Variants in SULT1C3 observed in about 807,000 individuals in gnomAD.
SULT1C3 encodes sulfotransferase 1C3.
SULT1C3 carries 31 observed loss-of-function variants against 28.4 expected under a neutral mutation model. The ratio of observed to expected loss-of-function variants is 1.09; its 90% CI spans 0.82 to 1.47. The LOEUF (loss-of-function observed/expected upper bound fraction) is 1.47, where lower values mean the gene tolerates loss of function less well. SULT1C3 is among the 40% of genes most tolerant of loss of function. SULT1C3 has a pLI of 0.00. For synonymous variants in SULT1C3, 106 were observed against 92.2 expected, an observed-to-expected ratio of 1.15 and a Z score of -0.86; for missense variants, 307 against 272.5, an observed-to-expected ratio of 1.13 and a Z score of -0.89.
At chr2:108,252,522 A>T (rs533231765) in intron 3 of SULT1C3, 29 bp downstream of exon 3, 1 of 1,609,372 alleles carries the variant, frequency 6.2e-7, no homozygotes, top group Non-Finnish European at 8.5e-7. Flanking sequence ...GATAGAAAGG[A>T]CTTTCACTTC....
chr2:108,244,229 A>C (rs1675530289), intron 1 of SULT1C3, among the ~76,000 whole-genome samples: 1 of 152,220 alleles, frequency 6.6e-6, no homozygotes, highest in Non-Finnish European at 1.5e-5. Context: ...AGAAGCCAAA[A>C]GCCCAACTGG....
At chr2:108,263,430 T>A (rs1221989325), downstream of SULT1C3, among the ~76,000 whole-genome samples, 2 of 152,156 alleles carry the variant, frequency 1.3e-5, no homozygotes, top group Non-Finnish European at 2.9e-5. Flanking sequence ...CCTGCCACAA[T>A]CCCCACTGTC....
At chr2:108,247,596 C>A (rs372822083) in intron 2 of SULT1C3, among the ~76,000 whole-genome samples, 8 of 152,260 alleles carry the variant, frequency 5.3e-5, no homozygotes, top group African/African-American at 1.9e-4. Flanking sequence ...GGTAGTAGGG[C>A]AGATAATGCT....
chr2:108,255,251 T>A (rs1675839436), intron 4 of SULT1C3, among the ~76,000 whole-genome samples: 1 of 151,974 alleles, frequency 6.6e-6, no homozygotes, highest in Admixed American at 6.6e-5. Flanking sequence ...ACTGGCTCCA[T>A]GATTACTCAG....
intron 2 of SULT1C3, among the ~76,000 whole-genome samples, chr2:108,251,002 T>G (rs1294636849): frequency 1.3e-5 from 2 of 152,068 alleles, no homozygotes; most frequent in Non-Finnish European, 2.9e-5. Flanking sequence ...TACACATTTA[T>G]AACAGGTTCA....
At chr2:108,257,440 T>A (rs1675902023) in intron 5 of SULT1C3, among the ~76,000 whole-genome samples, 1 of 152,066 alleles carries the variant, frequency 6.6e-6, no homozygotes, top group Non-Finnish European at 1.5e-5. Flanking sequence ...ATAAATTATA[T>A]GTGTACACAT....
At chr2:108,252,629 C>A (rs796170324) in intron 3 of SULT1C3, 136 bp downstream of exon 3, 5 of 1,028,828 alleles carry the variant, frequency 4.9e-6, no homozygotes, top group Non-Finnish European at 4.1e-6. Context: ...CTCAGGCCAA[C>A]AATCAAACTC....
intron 2 of SULT1C3, among the ~76,000 whole-genome samples, chr2:108,251,107 T>C (rs1675716130): frequency 6.6e-6 from 1 of 152,038 alleles, no homozygotes; most frequent in Non-Finnish European, 1.5e-5. Flanking sequence ...TTATGTATTA[T>C]GATTGAAGAT....
At position 108,247,143 on chromosome 2, in the gene SULT1C3, A is replaced by G. The variant is rs555946417; in HGVS notation, c.-7-45A>G. Reference sequence around the variant, plus strand: ...TAACCCATACTATGAACCATAAAACAACATTTTTAAAAATTTTAATTAGTA... The same window carrying G: ...TAACCCATACTATGAACCATAAAACGACATTTTTAAAAATTTTAATTAGTA... On this transcript the variant is annotated intron_variant, in intron 1 of 7. Coordinates refer to ENST00000681802, the MANE Select transcript of SULT1C3 (RefSeq NM_001320878.2). 8.5e-5 allele frequency: 116 copies of G among 1,366,206 alleles called. 5 individuals carry two copies. The Middle Eastern group carries it at 0.013, about 148-fold the overall frequency. 84.6% of individuals were successfully genotyped at this position (1,366,206 alleles called of 1,614,324 possible).
chr2:108,245,983 C>T (rs1211103757), intron 1 of SULT1C3, among the ~76,000 whole-genome samples: 1 of 152,154 alleles, frequency 6.6e-6, no homozygotes, highest in Non-Finnish European at 1.5e-5. Context: ...TACAATAAAT[C>T]ATCTCTCTCA....
intron 5 of SULT1C3, among the ~76,000 whole-genome samples, chr2:108,256,853 G>C (rs1273873264): frequency 1.3e-5 from 2 of 151,956 alleles, no homozygotes; most frequent in African/African-American, 4.8e-5. Flanking sequence ...AATTAAAAAG[G>C]ACTGACAGAT....
chr2:108,245,207 A>T (rs1182411948), intron 1 of SULT1C3, among the ~76,000 whole-genome samples: 1 of 152,102 alleles, frequency 6.6e-6, no homozygotes, highest in African/African-American at 2.4e-5. Flanking sequence ...GCCCCAGAGG[A>T]ACTAAACTTT....
chr2:108,254,783 G>GTATATATGTATGTATGCA (rs1558664909), intron 4 of SULT1C3, among the ~76,000 whole-genome samples: 1 of 150,362 alleles, frequency 6.7e-6, no homozygotes, highest in Admixed American at 6.7e-5. Context: ...GCATATATAT[G>GTATATATGTATGTATGCA]TATATATGTA....
intron 2 of SULT1C3, among the ~76,000 whole-genome samples, chr2:108,250,297 A>G (rs1443326594): frequency 6.6e-6 from 1 of 152,066 alleles, no homozygotes; most frequent in Non-Finnish European, 1.5e-5. Flanking sequence ...AAGCTTTACT[A>G]TTAACCAATA....
intron 2 of SULT1C3, among the ~76,000 whole-genome samples, chr2:108,249,577 A>C (rs951174849): frequency 6.6e-6 from 1 of 152,104 alleles, no homozygotes; most frequent in Non-Finnish European, 1.5e-5. Flanking sequence ...AAAGCTGTGC[A>C]TGATTTGAAA....
At position 108,252,411 on chromosome 2, in the gene SULT1C3, T is replaced by C; in HGVS notation, c.219T>C (p.Gly73=). 6.2e-7 allele frequency: 1 copy of C among 1,612,028 alleles called. No individual in the cohort carries two copies. The highest frequency in any genetic ancestry group is 8.5e-7 in the Non-Finnish European group (1 of 1,178,830). The change falls in exon 3 of 8, where the codon GGT becomes GGC. Residue 73 remains glycine (G), a synonymous_variant. Transcript: ENST00000681802. ...TTTTAGACATGATTCTAAATGATGG[T>C]GATGTGGAGAAATGCAAAAGAGCCC... ...HEILDMILND[G]DVEKCKRAQT...
chr2:108,247,923 A>G (rs190811667), intron 2 of SULT1C3, among the ~76,000 whole-genome samples: 92 of 152,252 alleles, frequency 6.0e-4, no homozygotes, highest in Admixed American at 2.6e-3. Flanking sequence ...GCTAGAGTCA[A>G]TGGGCACACC....
intron 1 of SULT1C3, among the ~76,000 whole-genome samples, chr2:108,245,729 A>G (rs1675563208): frequency 6.6e-6 from 1 of 152,142 alleles, no homozygotes; most frequent in East Asian, 1.9e-4. Context: ...AAGACTCCTG[A>G]CAAGCCCTGG....
chr2:108,249,638 C>T (rs922206572), intron 2 of SULT1C3, among the ~76,000 whole-genome samples: 2 of 151,978 alleles, frequency 1.3e-5, no homozygotes, highest in Non-Finnish European at 2.9e-5. Context: ...AATAAGGAGG[C>T]ATACCCTATC....
Sources: allele counts gnomAD v4.1 joint callset (sites outside exome capture counted in the v4.1 genomes callset), GRCh38; gene constraint gnomAD v4.1.1; transcripts MANE v1.5; gene names NCBI Gene and HGNC (gene_info 2026-07-23, HGNC 2026-07-21).